The following SUCLA2 variants were observed in gnomAD, a reference collection of about 807,000 sequenced individuals.
SUCLA2 encodes the protein succinate-CoA ligase ADP-forming subunit beta, also known as succinate--CoA ligase [ADP-forming] subunit beta, mitochondrial.
In SUCLA2, 30 loss-of-function variants were observed where a neutral mutation model predicts 54.8. That is an observed-to-expected ratio of 0.55 (90% CI 0.41 to 0.74). The LOEUF (loss-of-function observed/expected upper bound fraction) is 0.74. Among genes scored for constraint, SUCLA2 ranks in the 30% least tolerant of loss-of-function variants. SUCLA2 has a pLI of 0.00. For synonymous variants in SUCLA2, 172 were observed against 188.9 expected, an observed-to-expected ratio of 0.91 and a Z score of 0.74; for missense variants, 476 against 562.9, an observed-to-expected ratio of 0.85 and a Z score of 1.56.
chr13:47,962,829 TG>T (rs951309662), intron 6 of SUCLA2, among the ~76,000 whole-genome samples: 10 of 151,748 alleles, frequency 6.6e-5, no homozygotes, highest in African/African-American at 2.4e-4. Context: ...ACACAGAAAT[TG>T]ACCTTTCTGG....
At chr13:47,971,747 C>T (rs1017592258) in intron 5 of SUCLA2, 3 of 395,292 alleles carry the variant, frequency 7.6e-6, no homozygotes, top group African/African-American at 6.2e-5. Flanking sequence ...AGTGTCCCAT[C>T]CATTCTACAC....
chr13:47,968,854 A>T, intron 5 of SUCLA2, 121 bp from the exon 6 acceptor site: 2 of 1,130,328 alleles, frequency 1.8e-6, no homozygotes, highest in Non-Finnish European at 2.5e-6. Flanking sequence ...ATAGTCAAAC[A>T]TTACTGAAAT....
Position 47,996,912 on chromosome 13 carries a change from C to A in SUCLA2, c.202G>T (p.Gly68Cys). Reference protein sequence around the residue: ...YMSMELLQEAGVSVPKGYVAK... With the variant: ...YMSMELLQEACVSVPKGYVAK... ...ACATATCCTTTGGGAACGGAGACAC[C>A]AGCTTCTTGCAATAATTCCATACTC... Residue 68 changes from glycine to cysteine, a missense_variant, in exon 2 of 11, where the codon GGT (glycine) becomes TGT (cysteine). Physicochemically the swap from Gly to Cys is radical, Grantham distance 159. Coordinates refer to ENST00000646932, the MANE Select transcript of SUCLA2 (RefSeq NM_003850.3). 1 of 1,613,934 alleles carries A rather than the reference C, an allele frequency of 6.2e-7. No individual in the cohort carries two copies. The highest frequency in any genetic ancestry group is 1.3e-5 in the African/African-American group (1 of 74,984).
intron 8 of SUCLA2, among the ~76,000 whole-genome samples, chr13:47,951,519 T>C (rs921615067): frequency 6.6e-6 from 1 of 152,172 alleles, no homozygotes; most frequent in South Asian, 2.1e-4. Flanking sequence ...TTTGGATGAT[T>C]CCAGCCATAG....
At chr13:47,947,957 T>C (rs1363905318) in intron 10 of SUCLA2, among the ~76,000 whole-genome samples, 2 of 152,234 alleles carry the variant, frequency 1.3e-5, no homozygotes, top group Admixed American at 1.3e-4. Flanking sequence ...CAGAGACTTA[T>C]TCTGACCCTT....
intron 5 of SUCLA2, chr13:47,971,713 C>T (rs897896869): frequency 2.6e-5 from 10 of 391,536 alleles, no homozygotes; most frequent in Middle Eastern, 6.3e-4. Context: ...TAAACCACAG[C>T]TCTATTATGG....
At chr13:47,999,067 TAAAC>T (rs1435474093) in intron 1 of SUCLA2, among the ~76,000 whole-genome samples, 8 of 152,128 alleles carry the variant, frequency 5.3e-5, no homozygotes, top group Admixed American at 5.2e-4. Context: ...GGCATGTAAA[TAAAC>T]AACTGCAACA....
rs1950225020 is a variant in SUCLA2 at position 48,000,889 on chromosome 13, C to T, written c.90+291G>A. The T allele has an allele frequency of 1.5e-5, 19 of 1,303,542 alleles. No individual in the cohort carries two copies. The South Asian group carries it at 3.0e-4, about 21-fold the overall frequency. 80.7% of individuals were successfully genotyped at this position (1,303,542 alleles called of 1,614,324 possible). ...AGCAGAAAATGTCCTGACCCCCTCA[C>T]CTCCACTCAGAGCCCACCTGCTCCC... On this transcript the variant is annotated intron_variant, in intron 1 of 10. Coordinates refer to ENST00000646932, the MANE Select transcript of SUCLA2 (RefSeq NM_003850.3).
At chr13:47,948,414 C>T (rs927664538) in intron 10 of SUCLA2, among the ~76,000 whole-genome samples, 2 of 151,962 alleles carry the variant, frequency 1.3e-5, no homozygotes, top group African/African-American at 2.4e-5. Context: ...AAGATAGGGT[C>T]TCCCTATGTT....
intron 2 of SUCLA2, among the ~76,000 whole-genome samples, chr13:47,996,247 C>T (rs947043529): frequency 4.0e-5 from 6 of 148,650 alleles, no homozygotes; most frequent in African/African-American, 9.9e-5. Flanking sequence ...CCCTTGAACC[C>T]GGGAAGCGGA....
chr13:47,954,374 C>T (rs1949802001), intron 7 of SUCLA2, 22 bp downstream of exon 7: 1 of 1,613,870 alleles, frequency 6.2e-7, no homozygotes, highest in East Asian at 2.2e-5. Flanking sequence ...GAATCCAATT[C>T]TAACATAAAA....
At chr13:47,990,735 C>G (rs1274993882) in intron 2 of SUCLA2, among the ~76,000 whole-genome samples, 2 of 152,092 alleles carry the variant, frequency 1.3e-5, no homozygotes, top group East Asian at 3.9e-4. Flanking sequence ...GGATGTCACT[C>G]CACGATGCAT....
chr13:47,985,471 A>G (rs1206922605), intron 4 of SUCLA2, among the ~76,000 whole-genome samples: 1 of 151,868 alleles, frequency 6.6e-6, no homozygotes, highest in East Asian at 1.9e-4. Context: ...CCCACTTTTA[A>G]GTGAAAACAC....
At chr13:47,943,766 G>GTGTGTATATATATA (rs1300486540) in intron 10 of SUCLA2, among the ~76,000 whole-genome samples, 1,995 of 139,588 alleles carry the variant, frequency 0.014, 28 homozygotes, top group African/African-American at 0.03. Flanking sequence ...GTGTGTGTGT[G>GTGTGTATATATATA]TATATATATA....
In SUCLA2 at chr13:47,988,938, A is replaced by G; in HGVS notation, c.315T>C (p.Gly105=). 1 of 1,613,636 alleles carries G rather than the reference A, an allele frequency of 6.2e-7. No individual in the cohort carries two copies. The highest frequency in any genetic ancestry group is 1.7e-5 in the Admixed American group (1 of 60,030). ...CACTTTCAAATGTTCCTTTTCCTCT[A>G]CCACCAGCTAAAACCTGTGCCTTTA... The part of the protein sequence containing the change: ...VVIKAQVLAG[G]RGKGTFESGL... The change falls in exon 3 of 11, where the codon GGT becomes GGC. Residue 105 remains glycine (G), a synonymous_variant. Coordinates refer to ENST00000646932, the MANE Select transcript of SUCLA2 (RefSeq NM_003850.3).
intron 2 of SUCLA2, among the ~76,000 whole-genome samples, chr13:47,994,471 G>A (rs1470953200): frequency 2.0e-5 from 3 of 151,588 alleles, no homozygotes; most frequent in Non-Finnish European, 4.4e-5. Flanking sequence ...AGGAGGCTGA[G>A]GCAGGAGAAT....
chr13:47,994,567 C>CAAA (rs777506622), intron 2 of SUCLA2, among the ~76,000 whole-genome samples: 13 of 44,594 alleles, frequency 2.9e-4, no homozygotes, highest in African/African-American at 4.7e-4. Flanking sequence ...GACTCCGTCT[C>CAAA]AAAAAAAAAA....
rs1049127462 is a variant in SUCLA2 at position 47,961,306 on chromosome 13, T to C, written c.803-6749A>G. Among the ~76,000 whole-genome samples the C allele has an allele frequency of 3.9e-5, 6 of 152,302 alleles. No homozygotes were observed. The South Asian group carries it at 1.0e-3, about 26-fold the overall frequency. On this transcript the variant is annotated intron_variant, in intron 6 of 10. Coordinates refer to ENST00000646932, the MANE Select transcript of SUCLA2 (RefSeq NM_003850.3). ...AGTGGGGGGGGCCAGACAGGTTTAGTTGGCATGCTATCTTTATTACATCTT... is the reference window on the plus strand; with the variant it reads ...AGTGGGGGGGGCCAGACAGGTTTAGCTGGCATGCTATCTTTATTACATCTT...
At chr13:47,945,788 A>ATTAAG (rs1442462979) in intron 10 of SUCLA2, 1 of 152,224 alleles carries the variant, frequency 6.6e-6, no homozygotes, top group East Asian at 1.9e-4. Flanking sequence ...TAAAAAAGTC[A>ATTAAG]TTAAGTTTTA....
Sources: gnomAD v4.1 joint callset for allele counts (sites outside exome capture counted in the v4.1 genomes callset) on GRCh38, gnomAD v4.1.1 for gene constraint, MANE v1.5 for transcripts, NCBI Gene and HGNC (gene_info 2026-07-23, HGNC 2026-07-21) for gene names.